PCDHGA5: variants seen among roughly 807,000 people sequenced by gnomAD.
The protein encoded by PCDHGA5 is protocadherin gamma-A5.
A neutral mutation model predicts 56.7 loss-of-function variants in PCDHGA5; 36 were observed. That is an observed-to-expected ratio of 0.64 (90% CI 0.49 to 0.84). PCDHGA5 has a LOEUF of 0.84. Ranked by LOEUF, PCDHGA5 falls within the 40% of genes least tolerant of loss-of-function variation. The pLI is 0.00. For synonymous variants in PCDHGA5, 563 were observed against 520.2 expected, an observed-to-expected ratio of 1.08 and a Z score of -1.12; for missense variants, 1,305 against 1,201.5, an observed-to-expected ratio of 1.09 and a Z score of -1.27.
intron 2 of PCDHGA5, among the ~76,000 whole-genome samples, chr5:141,499,099 C>T (rs1031964059): frequency 1.3e-5 from 2 of 152,156 alleles, no homozygotes; most frequent in Non-Finnish European, 2.9e-5. Context: ...ACATGCTTCT[C>T]CTCCCCACCA....
chr5:141,415,293 C>G, intron 1 of PCDHGA5: 1 of 1,614,192 alleles, frequency 6.2e-7, no homozygotes, highest in Non-Finnish European at 8.5e-7. Flanking sequence ...CGGTCTCCTG[C>G]GTCTTCCTGG....
intron 1 of PCDHGA5, chr5:141,433,178 A>G: frequency 6.2e-7 from 1 of 1,608,316 alleles, no homozygotes. Context: ...TCATGGGTTA[A>G]TTGAGGTGAG....
In PCDHGA5 at chr5:141,395,340, G is replaced by C. The variant is rs529007241; in HGVS notation, c.2421+28589G>C. 3 of 1,419,480 alleles carry C rather than the reference G, an allele frequency of 2.1e-6. No individual in the cohort carries two copies. In the African/African-American group the frequency reaches 4.3e-5, roughly 20 times the overall value. The allele number at this position is 1,419,480 out of a possible 1,614,324, so 87.9% of individuals were successfully genotyped here. On this transcript the variant is annotated intron_variant, in intron 1 of 3. Transcript: ENST00000518069. ...GAAGATAGTTGAAAATAATTTTTAA[G>C]GTGTATCACAGAGTTTTGGGTTTAT...
Position 141,365,868 on chromosome 5 carries a change from T to A in PCDHGA5, c.1538T>A (p.Val513Asp), listed in dbSNP as rs778651713. Reference protein sequence around the residue: ...SYVSINSDTGVLYALRSFDYE... With the variant: ...SYVSINSDTGDLYALRSFDYE... ...GTATCCATTAACTCTGACACCGGTG[T>A]CCTGTATGCTCTGAGATCCTTCGAC... The change falls in exon 1 of 4, where the codon GTC becomes GAC. Residue 513 changes from valine to aspartate, a missense_variant. Coordinates refer to ENST00000518069, the MANE Select transcript of PCDHGA5 (RefSeq NM_018918.3). The A allele has an allele frequency of 5.6e-6, 9 of 1,614,024 alleles. No homozygotes were observed. Among genetic ancestry groups the A allele is most frequent in the Non-Finnish European group, 6.8e-6 (8 of 1,179,928 alleles).
intron 1 of PCDHGA5, chr5:141,394,893 G>T: frequency 4.3e-6 from 7 of 1,613,858 alleles, no homozygotes; most frequent in Non-Finnish European, 5.9e-6. Flanking sequence ...ACTCTATCTC[G>T]TGGTGGCAGT....
chr5:141,428,523 T>G, intron 1 of PCDHGA5: 1 of 278,554 alleles, frequency 3.6e-6, no homozygotes, highest in Non-Finnish European at 7.1e-6. Context: ...AAAGAAGATT[T>G]AATTTTCTCA....
intron 1 of PCDHGA5, among the ~76,000 whole-genome samples, chr5:141,438,296 A>G (rs902991313): frequency 6.6e-6 from 1 of 152,034 alleles, no homozygotes; most frequent in Non-Finnish European, 1.5e-5. Context: ...CTGTATGTAA[A>G]AGAAGTTGGT....
chr5:141,485,641 G>T lies in PCDHGA5; in HGVS notation c.2422-9166G>T. The T allele has an allele frequency of 6.2e-7, 1 of 1,612,012 alleles. No individual in the cohort carries two copies. Among genetic ancestry groups the T allele is most frequent in the Non-Finnish European group, 8.5e-7 (1 of 1,178,470 alleles). On this transcript the variant is annotated intron_variant, in intron 1 of 3. Transcript: ENST00000518069. The surrounding 1 kb of genome is among the most constrained non-coding windows in gnomAD (Gnocchi z 5.7). Reference sequence around the variant, plus strand: ...CAGGACAGCGTTTCCCGTTGGAAAAGGCTCAGGATGCAGATGTGGGGAGCA... The same window carrying T: ...CAGGACAGCGTTTCCCGTTGGAAAATGCTCAGGATGCAGATGTGGGGAGCA...
chr5:141,421,255 C>T lies in PCDHGA5; in HGVS notation c.2421+54504C>T, dbSNP rs759899934. On this transcript the variant is annotated intron_variant, in intron 1 of 3. Coordinates refer to ENST00000518069, the MANE Select transcript of PCDHGA5 (RefSeq NM_018918.3). ...GGCGAATCGGCTACAGCGCGGGGAC[C>T]GCAGTCGGCTGCTGCTGCTGCTGTG... 5.2e-5 allele frequency: 84 copies of T among 1,607,644 alleles called. No individual in the cohort carries two copies. Among genetic ancestry groups the T allele is most frequent in the Non-Finnish European group, 6.8e-5 (80 of 1,177,916 alleles).
Position 141,486,445 on chromosome 5 carries a change from G to A in PCDHGA5, c.2422-8362G>A. On this transcript the variant is annotated intron_variant, in intron 1 of 3. Coordinates refer to ENST00000518069, the MANE Select transcript of PCDHGA5 (RefSeq NM_018918.3). The surrounding 1 kb of genome is among the most constrained non-coding windows in gnomAD (Gnocchi z 5.0). ...AGGCCAAATCTAGCTATGACATCAT[G>A]GTCACTGCTTCTGATGCTGGGAACC... 6.2e-7 allele frequency: 1 copy of A among 1,613,948 alleles called. No homozygotes were observed. The highest frequency in any genetic ancestry group is 8.5e-7 in the Non-Finnish European group (1 of 1,179,862).
rs750182814 is a variant in PCDHGA5, at chr5:141,375,970, G to T, written c.2421+9219G>T. 15 of 1,613,334 alleles carry T rather than the reference G, an allele frequency of 9.3e-6. No homozygotes were observed. The South Asian group carries it at 1.6e-4, about 18-fold the overall frequency. Reference sequence around the variant, plus strand: ...TGCACACGGGCGAGGTGCGCACGGCGCGCGCCCTGCTGGACAGAGACGCGC... The same window carrying T: ...TGCACACGGGCGAGGTGCGCACGGCTCGCGCCCTGCTGGACAGAGACGCGC... On this transcript the variant is annotated intron_variant, in intron 1 of 3. Transcript: ENST00000518069.
intron 1 of PCDHGA5, chr5:141,414,451 G>C (rs1390702349): frequency 1.9e-6 from 3 of 1,613,874 alleles, no homozygotes; most frequent in Non-Finnish European, 2.5e-6. Context: ...CAATATCACA[G>C]TGACAGCCAC....
At chr5:141,422,434 T>C in intron 1 of PCDHGA5, 5 of 1,609,566 alleles carry the variant, frequency 3.1e-6, no homozygotes, top group Non-Finnish European at 3.4e-6. Context: ...TGGAAATTAT[T>C]ACAAATTGAT....
intron 1 of PCDHGA5, among the ~76,000 whole-genome samples, chr5:141,369,555 A>C (rs1302531724): frequency 6.6e-6 from 1 of 152,218 alleles, no homozygotes; most frequent in Non-Finnish European, 1.5e-5. Flanking sequence ...AGACACTTGG[A>C]AACAAAGGAA....
chr5:141,422,492 C>G (rs747903569), intron 1 of PCDHGA5: 10 of 1,613,934 alleles, frequency 6.2e-6, no homozygotes, highest in Non-Finnish European at 8.5e-6. Flanking sequence ...TACAATATAA[C>G]GTTGACAGCC....
At chr5:141,475,892 G>A (rs1279219556) in intron 1 of PCDHGA5, 1 of 568,264 alleles carries the variant, frequency 1.8e-6, no homozygotes, top group Non-Finnish European at 3.1e-6. Context: ...GGGACTCTGT[G>A]TGCCGCTGTC....
intron 1 of PCDHGA5, among the ~76,000 whole-genome samples, chr5:141,467,960 C>T (rs1303642319): frequency 6.6e-6 from 1 of 151,998 alleles, no homozygotes; most frequent in Non-Finnish European, 1.5e-5. Flanking sequence ...CACCCGGCTG[C>T]CAGAAAATTT....
chr5:141,405,103 G>A (rs368202826), intron 1 of PCDHGA5: 2 of 1,613,922 alleles, frequency 1.2e-6, no homozygotes, highest in Non-Finnish European at 1.7e-6. Flanking sequence ...TCAGGCTGAG[G>A]CACTGGCACT....
chr5:141,409,513 C>G (rs2095276446), intron 1 of PCDHGA5: 1 of 1,614,030 alleles, frequency 6.2e-7, no homozygotes, highest in South Asian at 1.1e-5. Flanking sequence ...CCAGTAGAAG[C>G]ATCACCTTGT....
Sources: gnomAD v4.1 joint callset for allele counts (sites outside exome capture counted in the v4.1 genomes callset) on GRCh38, gnomAD v4.1.1 for gene constraint, Gnocchi (gnomAD v3.1) non-coding constraint, MANE v1.5 for transcripts, NCBI Gene and HGNC (gene_info 2026-07-23, HGNC 2026-07-21) for gene names.